The following CNTN4 variants were observed in gnomAD, a reference collection of about 807,000 sequenced individuals.
CNTN4 encodes the protein contactin 4.
In CNTN4, 77 loss-of-function variants were observed where a neutral mutation model predicts 122.5. The ratio of observed to expected loss-of-function variants is 0.63; its 90% CI spans 0.52 to 0.76. The LOEUF (loss-of-function observed/expected upper bound fraction) is 0.76, where lower values mean the gene tolerates loss of function less well. Among genes scored for constraint, CNTN4 ranks in the 30% least tolerant of loss-of-function variants. The pLI is 0.00. For missense variants in CNTN4, 1,256 were observed against 1,259.1 expected (o/e 1.00, Z 0.04); for synonymous variants, 512 against 447.0 (o/e 1.15, Z -1.83).
chr3:2,170,279 C>T (rs934262793), intron 2 of CNTN4, among the ~76,000 whole-genome samples: 3 of 151,930 alleles, frequency 2.0e-5, no homozygotes, highest in Non-Finnish European at 2.9e-5. Flanking sequence ...GAGATCGCGC[C>T]ACCGCACTCC....
Position 2,621,457 on chromosome 3 carries a change from AG to A in CNTN4, c.55+49901del, listed in dbSNP as rs535713829. ...TTGAACAATGAGAACACATGGTCAC[AG>A]GTCACAGTAAGGGGAATGTCACACA... is the stretch of plus-strand genomic sequence containing the variant. On this transcript the variant is annotated intron_variant, in intron 4 of 24. Transcript: ENST00000418658. Among the ~76,000 whole-genome samples, 227 of 151,698 alleles carry A rather than the reference AG, an allele frequency of 1.5e-3. 2 individuals carry two copies. The highest frequency in any genetic ancestry group is 9.9e-4 in the Non-Finnish European group (67 of 67,904).
rs1306693846 is a variant in CNTN4, at chr3:2,146,169, T to C, written c.-145+45530T>C. Among the ~76,000 whole-genome samples the C allele has an allele frequency of 2.6e-5, 4 of 151,586 alleles. No homozygotes were observed. The East Asian group carries it at 5.8e-4, about 22-fold the overall frequency. On this transcript the variant is annotated intron_variant, in intron 2 of 24. Coordinates refer to ENST00000418658, the MANE Select transcript of CNTN4 (RefSeq NM_175607.3). ...GCTATATGAGAACCTAAGACTTCTATTGATGTTAATTATTGACTTTTATTT... is the reference window on the plus strand; with the variant it reads ...GCTATATGAGAACCTAAGACTTCTACTGATGTTAATTATTGACTTTTATTT...
chr3:2,444,724 A>G (rs571272971), intron 3 of CNTN4, among the ~76,000 whole-genome samples: 1 of 152,086 alleles, frequency 6.6e-6, no homozygotes, highest in Admixed American at 6.6e-5. Context: ...CTAGTACTGA[A>G]TAAATATTGG....
chr3:2,932,761 A>G (rs2094532632), intron 13 of CNTN4, among the ~76,000 whole-genome samples: 1 of 152,158 alleles, frequency 6.6e-6, no homozygotes, highest in South Asian at 2.1e-4. Flanking sequence ...GAGAGAAAAA[A>G]AAGGAGGGAG....
intron 13 of CNTN4, among the ~76,000 whole-genome samples, chr3:2,969,260 AC>A (rs1692637007): frequency 6.6e-6 from 1 of 152,140 alleles, no homozygotes; most frequent in Admixed American, 6.5e-5. Context: ...CACCTTAGTA[AC>A]CCCAGCAGAA....
At chr3:2,329,069 AAT>A (rs2043597977) in intron 2 of CNTN4, among the ~76,000 whole-genome samples, 1 of 152,232 alleles carries the variant, frequency 6.6e-6, no homozygotes, top group South Asian at 2.1e-4. Flanking sequence ...AAAATAATAA[AAT>A]AAAAATTTTC....
intron 3 of CNTN4, among the ~76,000 whole-genome samples, chr3:2,521,196 C>T (rs1247874874): frequency 6.6e-6 from 1 of 152,032 alleles, no homozygotes; most frequent in Non-Finnish European, 1.5e-5. Flanking sequence ...TTTTTGTGAA[C>T]TCAAAATTAT....
At chr3:2,210,847 T>A (rs1429423291) in intron 2 of CNTN4, among the ~76,000 whole-genome samples, 3 of 152,210 alleles carry the variant, frequency 2.0e-5, no homozygotes, top group African/African-American at 7.2e-5. Flanking sequence ...AACTGTTGTA[T>A]CTTCAGAAAT....
intron 5 of CNTN4, among the ~76,000 whole-genome samples, chr3:2,737,518 A>G (rs1264543743): frequency 6.6e-6 from 1 of 152,230 alleles, no homozygotes. Context: ...CTCTTTGAAA[A>G]CATTAACAAT....
At chr3:2,522,613 G>A (rs1003376862) in intron 3 of CNTN4, among the ~76,000 whole-genome samples, 1 of 152,100 alleles carries the variant, frequency 6.6e-6, no homozygotes, top group Non-Finnish European at 1.5e-5. Flanking sequence ...ATTAGGTAGT[G>A]ATGCTAGTAG....
At chr3:2,661,016 G>T (rs2083864257) in intron 4 of CNTN4, among the ~76,000 whole-genome samples, 1 of 152,180 alleles carries the variant, frequency 6.6e-6, no homozygotes, top group Non-Finnish European at 1.5e-5. Flanking sequence ...ACTGTTTCAA[G>T]CTCTTCCCAT....
At position 3,002,247 on chromosome 3, in the gene CNTN4, A is replaced by G. The variant is rs183283039; in HGVS notation, c.1486+13775A>G. 1.6e-4 allele frequency among the ~76,000 whole-genome samples: 24 copies of G among 152,330 alleles called. No individual in the cohort carries two copies. In the East Asian group the frequency reaches 4.4e-3, roughly 28 times the overall value. On this transcript the variant is annotated intron_variant, in intron 14 of 24. Coordinates refer to ENST00000418658, the MANE Select transcript of CNTN4 (RefSeq NM_175607.3). ...AAAATTTGTGCTAAGCTTCAGCTCC[A>G]GAAAATCAGGGTGCCATCTTCCAGC...
chr3:2,617,877 G>A (rs1221014588), intron 4 of CNTN4, among the ~76,000 whole-genome samples: 1 of 152,122 alleles, frequency 6.6e-6, no homozygotes, highest in African/African-American at 2.4e-5. Flanking sequence ...GCAAACACTT[G>A]TATTTGAGAT....
Position 2,883,200 on chromosome 3 carries a change from G to A in CNTN4, c.708G>A (p.Pro236=), listed in dbSNP as rs577358521. The change falls in exon 9 of 25, where the codon CCG becomes CCA. Residue 236 remains proline (P), a synonymous_variant. Transcript: ENST00000418658. The stretch of plus-strand genomic sequence containing the variant: ...AAGTGCAGTTCCCAGAAACAGTTCC[G>A]ACTGCAAAAGGAGCAACGGTGAAGC... ...KIEVQFPETV[P]TAKGATVKLE... 3.9e-5 allele frequency: 63 copies of A among 1,613,826 alleles called. No individual in the cohort carries two copies. The highest frequency in any genetic ancestry group is 2.3e-4 in the South Asian group (21 of 91,024).
chr3:2,892,329 C>T (rs968614418), intron 10 of CNTN4: 1 of 152,192 alleles, frequency 6.6e-6, no homozygotes, highest in Non-Finnish European at 1.5e-5. Flanking sequence ...TGCTGCTTGT[C>T]TGGGAACCAC....
intron 7 of CNTN4, among the ~76,000 whole-genome samples, chr3:2,823,646 A>T (rs533077779): frequency 6.6e-6 from 1 of 152,330 alleles, no homozygotes; most frequent in Non-Finnish European, 1.5e-5. Flanking sequence ...GCTTTCTGCC[A>T]ACTCCAGGGT....
At chr3:2,617,569 C>T (rs563108566) in intron 4 of CNTN4, among the ~76,000 whole-genome samples, 15 of 151,986 alleles carry the variant, frequency 9.9e-5, no homozygotes, top group Middle Eastern at 3.4e-3. Flanking sequence ...TACAGGCACA[C>T]GCCACCATGA....
At chr3:2,520,259 CTTTTTTTTTTTTTTTT>C (rs397988483) in intron 3 of CNTN4, among the ~76,000 whole-genome samples, 17 of 74,466 alleles carry the variant, frequency 2.3e-4, no homozygotes, top group African/African-American at 7.9e-4. Context: ...TGATTGCTTC[CTTTTTTTTTTTTTTTT>C]TTTTTTTTTT....
At chr3:2,615,815 A>G (rs111647989) in intron 4 of CNTN4, among the ~76,000 whole-genome samples, 3,039 of 152,276 alleles carry the variant, frequency 0.02, 93 homozygotes, top group African/African-American at 0.07. Context: ...GGAATGACCT[A>G]TAAAAGCACT....
Sources: allele counts gnomAD v4.1 joint callset (sites outside exome capture counted in the v4.1 genomes callset), GRCh38; gene constraint gnomAD v4.1.1; transcripts MANE v1.5; gene names NCBI Gene and HGNC (gene_info 2026-07-23, HGNC 2026-07-21).